The following CORO2B variants were observed in gnomAD, a reference collection of about 807,000 sequenced individuals.
The protein encoded by CORO2B is coronin 2B.
CORO2B carries 26 observed loss-of-function variants against 58.8 expected under a neutral mutation model. The observed-to-expected ratio is 0.44, with a 90% CI of 0.32 to 0.61. CORO2B has a LOEUF of 0.61. Ranked by LOEUF, CORO2B falls within the 20% of genes least tolerant of loss-of-function variation. The probability of loss-of-function intolerance (pLI) is 0.04; values close to 1 mark genes in which losing one functional copy is unlikely to be tolerated. For synonymous variants in CORO2B, 242 were observed against 253.8 expected (o/e 0.95, Z 0.44); for missense variants, 460 against 645.1 (o/e 0.71, Z 3.11).
At chr15:68,530,220 G>A in the CORO2B span, among the ~76,000 whole-genome samples, 1 of 152,188 alleles carries the variant, frequency 6.6e-6, no homozygotes, top group Non-Finnish European at 1.5e-5. Flanking sequence ...AGCTACGCGG[G>A]AGGCTGAGGC....
chr15:68,647,355 TC>T (rs1416250245), intron 2 of CORO2B, among the ~76,000 whole-genome samples: 1 of 152,126 alleles, frequency 6.6e-6, no homozygotes, highest in African/African-American at 2.4e-5. Context: ...GACAAAGTAT[TC>T]CTGTGAAGAA....
chr15:68,532,164 A>T, the CORO2B span, among the ~76,000 whole-genome samples: 2 of 151,258 alleles, frequency 1.3e-5, no homozygotes, highest in Non-Finnish European at 2.9e-5. Flanking sequence ...TCTGTTTGGG[A>T]CTCATTCAGG....
chr15:68,574,675 C>G (rs1031301471), upstream of CORO2B, among the ~76,000 whole-genome samples: 1 of 152,098 alleles, frequency 6.6e-6, no homozygotes, highest in Non-Finnish European at 1.5e-5. Flanking sequence ...CCAGCATCTC[C>G]CAAGTGTCAG....
At chr15:68,657,806 G>T (rs1192339938) in intron 2 of CORO2B, among the ~76,000 whole-genome samples, 1 of 152,184 alleles carries the variant, frequency 6.6e-6, no homozygotes, top group Non-Finnish European at 1.5e-5. Context: ...TCAGTTAGAG[G>T]CTAGTGAAAA....
At chr15:68,684,400 T>A (rs1364599236) in intron 2 of CORO2B, among the ~76,000 whole-genome samples, 1 of 152,118 alleles carries the variant, frequency 6.6e-6, no homozygotes, top group Admixed American at 6.5e-5. Flanking sequence ...ATGAGACAAG[T>A]AAGTCTTGAT....
intron 3 of CORO2B, among the ~76,000 whole-genome samples, chr15:68,698,388 T>C (rs1485740169): frequency 6.6e-6 from 1 of 152,196 alleles, no homozygotes; most frequent in East Asian, 1.9e-4. Context: ...TTCTCCTGCC[T>C]GGCTCATGGT....
intron 3 of CORO2B, among the ~76,000 whole-genome samples, chr15:68,705,115 G>A (rs759829608): frequency 5.9e-5 from 9 of 152,146 alleles, no homozygotes; most frequent in Non-Finnish European, 8.8e-5. Flanking sequence ...AGCAGAGCCC[G>A]TCTCCTTCTC....
intron 1 of CORO2B, among the ~76,000 whole-genome samples, chr15:68,634,796 T>C (rs1276207800): frequency 2.0e-5 from 3 of 152,202 alleles, no homozygotes; most frequent in Non-Finnish European, 2.9e-5. Flanking sequence ...GAATCATCTA[T>C]GTGAACCACC....
the CORO2B span, among the ~76,000 whole-genome samples, chr15:68,554,056 C>T: frequency 6.6e-6 from 1 of 152,162 alleles, no homozygotes; most frequent in African/African-American, 2.4e-5. Flanking sequence ...AAGATGAGCA[C>T]AGCACAGCAG....
the CORO2B span, among the ~76,000 whole-genome samples, chr15:68,520,994 A>G: frequency 2.2e-4 from 34 of 152,104 alleles, no homozygotes; most frequent in Non-Finnish European, 3.8e-4. Context: ...GGTTGAAGTG[A>G]GCCAAGATCA....
At chr15:68,547,556 A>T in the CORO2B span, among the ~76,000 whole-genome samples, 23 of 152,144 alleles carry the variant, frequency 1.5e-4, no homozygotes, top group African/African-American at 5.3e-4. Context: ...GTTAGCCAGG[A>T]TGGTCTCAAT....
intron 1 of CORO2B, among the ~76,000 whole-genome samples, chr15:68,615,987 A>C (rs1900345774): frequency 6.6e-6 from 1 of 152,100 alleles, no homozygotes; most frequent in African/African-American, 2.4e-5. Flanking sequence ...TTTATAGAAC[A>C]CCTACTGTGC....
At chr15:68,625,069 A>G (rs1191120317) in intron 1 of CORO2B, among the ~76,000 whole-genome samples, 1 of 152,182 alleles carries the variant, frequency 6.6e-6, no homozygotes, top group Non-Finnish European at 1.5e-5. Flanking sequence ...CTGTATGCCC[A>G]GGGTCCCTTC....
At chr15:68,719,004 A>T in intron 9 of CORO2B, 140 bp from the exon 10 acceptor site, 1 of 849,814 alleles carries the variant, frequency 1.2e-6, no homozygotes, top group Non-Finnish European at 1.9e-6. Context: ...AGGTAGTTCC[A>T]GGAGGGAGAC....
At chr15:68,693,622 C>T (rs529712706) in intron 2 of CORO2B, among the ~76,000 whole-genome samples, 3 of 152,292 alleles carry the variant, frequency 2.0e-5, no homozygotes, top group African/African-American at 7.2e-5. Flanking sequence ...AGCCGCTAAA[C>T]ATGGAACAGC....
intron 1 of CORO2B, among the ~76,000 whole-genome samples, chr15:68,586,154 A>C (rs1041362182): frequency 6.6e-6 from 1 of 152,116 alleles, no homozygotes; most frequent in African/African-American, 2.4e-5. Flanking sequence ...TCATCCATTC[A>C]TTGGGATTGA....
intron 2 of CORO2B, among the ~76,000 whole-genome samples, chr15:68,676,222 GT>G (rs1463505695): frequency 6.6e-6 from 1 of 152,336 alleles, no homozygotes; most frequent in East Asian, 1.9e-4. Flanking sequence ...GATCCAATCA[GT>G]TTAGCGTGTG....
intron 2 of CORO2B, among the ~76,000 whole-genome samples, chr15:68,659,699 C>T (rs952164146): frequency 3.3e-5 from 5 of 152,146 alleles, no homozygotes; most frequent in African/African-American, 4.8e-5. Flanking sequence ...TTTGGGAGGC[C>T]GAGGCGGACA....
At chr15:68,678,146 G>T (rs528015577) in intron 2 of CORO2B, among the ~76,000 whole-genome samples, 151 of 152,292 alleles carry the variant, frequency 9.9e-4, no homozygotes, top group Middle Eastern at 3.4e-3. Context: ...CGTGCCACTG[G>T]CTGCTGGCTG....
Sources: gnomAD v4.1 joint callset for allele counts (sites outside exome capture counted in the v4.1 genomes callset) on GRCh38, gnomAD v4.1.1 for gene constraint, MANE v1.5 for transcripts, NCBI Gene and HGNC (gene_info 2026-07-23, HGNC 2026-07-21) for gene names.